The following IL4I1 variants were observed in gnomAD, a reference collection of about 807,000 sequenced individuals.
IL4I1 encodes the protein interleukin 4 induced 1.
A neutral mutation model predicts 29.7 loss-of-function variants in IL4I1; 24 were observed. That is an observed-to-expected ratio of 0.81 (90% confidence interval 0.59 to 1.14). The LOEUF (loss-of-function observed/expected upper bound fraction) is 1.14, where lower values mean the gene tolerates loss of function less well. Among genes scored for constraint, IL4I1 ranks in the 50% most tolerant of loss-of-function variants. The pLI is 0.00. For synonymous variants in IL4I1, 371 were observed against 352.5 expected (o/e 1.05, Z -0.59); for missense variants, 686 against 785.6 (o/e 0.87, Z 1.52).
intron 2 of IL4I1, chr19:49,908,838 C>A: frequency 1.9e-6 from 3 of 1,612,636 alleles, no homozygotes; most frequent in Non-Finnish European, 2.5e-6. Context: ...GCGGAGCTGG[C>A]AGCCGCCCCT....
At chr19:49,923,860 G>A (rs2075821383) in intron 2 of IL4I1, among the ~76,000 whole-genome samples, 1 of 152,244 alleles carries the variant, frequency 6.6e-6, no homozygotes. Flanking sequence ...GACCCACGCT[G>A]CGGAAGGCAG....
At chr19:49,929,474 C>G (rs781169717) in exon 1 of IL4I1, 4 of 152,552 alleles carry the variant, frequency 2.6e-5, no homozygotes, top group African/African-American at 4.8e-5. Context: ...TTAGGGAGCC[C>G]TGGGGGGTGG....
chr19:49,895,739 G>A (rs540957935), intron 3 of IL4I1, 76 bp downstream of exon 3: 12 of 861,626 alleles, frequency 1.4e-5, no homozygotes, highest in Admixed American at 5.9e-5. Flanking sequence ...GGAGGAACGC[G>A]GCCGTGTCCC....
chr19:49,918,078 C>CT (rs559266842), intron 2 of IL4I1, among the ~76,000 whole-genome samples: 4,327 of 132,550 alleles, frequency 0.033, 79 homozygotes, highest in Middle Eastern at 0.065. Flanking sequence ...TTTCCTTTTT[C>CT]TTTTTTTTTT....
chr19:49,890,901 C>T, intron 7 of IL4I1, 70 bp downstream of exon 7: 1 of 1,257,204 alleles, frequency 8.0e-7, no homozygotes, highest in Non-Finnish European at 1.1e-6. Context: ...CCAGAGGCTC[C>T]TCCCACTCCC....
intron 2 of IL4I1, among the ~76,000 whole-genome samples, chr19:49,925,824 C>T (rs1174783394): frequency 6.6e-6 from 1 of 152,150 alleles, no homozygotes; most frequent in Non-Finnish European, 1.5e-5. Flanking sequence ...ATGGAAAAAA[C>T]CAAGTGAGGG....
chr19:49,924,551 A>G (rs1364219191), intron 2 of IL4I1, among the ~76,000 whole-genome samples: 1 of 152,160 alleles, frequency 6.6e-6, no homozygotes, highest in African/African-American at 2.4e-5. Flanking sequence ...AAGAGTCCCC[A>G]GTAGCCCCAC....
At chr19:49,901,962 C>A (rs924111299) in intron 3 of IL4I1, 1 of 301,414 alleles carries the variant, frequency 3.3e-6, no homozygotes. Context: ...TCCCCGCCCT[C>A]TCACTGGATT....
chr19:49,899,177 C>G (rs1383497342), upstream of IL4I1, among the ~76,000 whole-genome samples: 7 of 152,204 alleles, frequency 4.6e-5, no homozygotes, highest in Non-Finnish European at 1.5e-5. Flanking sequence ...TTGTTCAGTC[C>G]TACAGCCGCA....
At chr19:49,891,505 C>G (rs2075138767) in intron 5 of IL4I1, 32 bp from the exon 6 acceptor site, 7 of 1,606,484 alleles carry the variant, frequency 4.4e-6, no homozygotes, top group Non-Finnish European at 6.0e-6. Context: ...TGGTGCTGAG[C>G]TGCCCGGGCA....
chr19:49,929,187 A>G (rs2075997651), intron 1 of IL4I1: 1 of 117,298 alleles, frequency 8.5e-6, no homozygotes, highest in Non-Finnish European at 1.9e-5. Context: ...ATCTGTCCCC[A>G]GTCCCCGGGG....
At chr19:49,916,894 C>T (rs923843194) in intron 2 of IL4I1, among the ~76,000 whole-genome samples, 11 of 152,212 alleles carry the variant, frequency 7.2e-5, no homozygotes, top group Non-Finnish European at 1.6e-4. Context: ...ATACTTCAGC[C>T]TGGGCGGCTG....
rs1311379665 is a variant in IL4I1, at chr19:49,890,067, T to A, written c.1307A>T (p.Asp436Val). The change falls in exon 8 of 8, where the codon GAC (aspartate) becomes GTC (valine). Residue 436 changes from aspartate to valine, a missense_variant. Physicochemically the swap from Asp to Val is radical, Grantham distance 152. Transcript: ENST00000391826. Reference sequence around the variant, plus strand: ...CCAACGCTTGACGACGCCGGTGCCGTCCCAGAGCTGGCGCACGACAGGCCC... The same window carrying A: ...CCAACGCTTGACGACGCCGGTGCCGACCCAGAGCTGGCGCACGACAGGCCC... ...LHGPVVRQLWDGTGVVKRWAE... is the reference protein window; with the variant it reads ...LHGPVVRQLWVGTGVVKRWAE... The A allele has an allele frequency of 6.5e-7, 1 of 1,549,348 alleles. No individual in the cohort carries two copies. Among genetic ancestry groups the A allele is most frequent in the South Asian group, 1.2e-5 (1 of 84,216 alleles).
intron 3 of IL4I1, among the ~76,000 whole-genome samples, chr19:49,903,168 A>G (rs1184326746): frequency 6.6e-6 from 1 of 152,200 alleles, no homozygotes; most frequent in African/African-American, 2.4e-5. Context: ...TGCAAATCAC[A>G]GTCCATATTG....
intron 2 of IL4I1, among the ~76,000 whole-genome samples, chr19:49,904,776 C>G (rs1325890248): frequency 2.6e-5 from 4 of 151,824 alleles, no homozygotes; most frequent in East Asian, 1.9e-4. Flanking sequence ...GTGGCTTGAT[C>G]TCTGCTCACT....
chr19:49,901,609 C>T, upstream of IL4I1: 2 of 1,436,708 alleles, frequency 1.4e-6, no homozygotes, highest in Non-Finnish European at 1.9e-6. Context: ...GTTTCCAGAA[C>T]ATCCCAGGGC....
Position 49,895,960 on chromosome 19 carries a change from C to T in IL4I1, c.107G>A (p.Cys36Tyr), listed in dbSNP as rs2075202383. The change falls in exon 3 of 8, where the codon TGC (cysteine) becomes TAC (tyrosine). Residue 36 changes from cysteine (C) to tyrosine (Y), a missense_variant. Transcript: ENST00000391826. Reference sequence around the variant, plus strand: ...CTGCTCATAGTCAGGATCCTGCATGCATTTCTCGAAGGGGTCTTGGCTGCG... The same window carrying T: ...CTGCTCATAGTCAGGATCCTGCATGTATTTCTCGAAGGGGTCTTGGCTGCG... ...AERSQDPFEK[C>Y]MQDPDYEQLL... 4 of 1,614,052 alleles carry T rather than the reference C, an allele frequency of 2.5e-6. No individual in the cohort carries two copies. The highest frequency in any genetic ancestry group is 1.7e-6 in the Non-Finnish European group (2 of 1,180,042).
At chr19:49,909,109 G>A in intron 2 of IL4I1, 1 of 1,612,400 alleles carries the variant, frequency 6.2e-7, no homozygotes, top group Non-Finnish European at 8.5e-7. Context: ...GTCCAGTGGT[G>A]GCAGATGAGG....
At chr19:49,901,142 G>A (rs7255257), upstream of IL4I1, among the ~76,000 whole-genome samples, 815 of 152,348 alleles carry the variant, frequency 5.3e-3, 11 homozygotes, top group African/African-American at 0.019. Flanking sequence ...CACTTTGGGA[G>A]GCCGAGGTGG....
Sources: allele counts gnomAD v4.1 joint callset (sites outside exome capture counted in the v4.1 genomes callset), GRCh38; gene constraint gnomAD v4.1.1; transcripts MANE v1.5; gene names NCBI Gene and HGNC (gene_info 2026-07-23, HGNC 2026-07-21).